OTUD3: variants seen among roughly 807,000 people sequenced by gnomAD.
OTUD3 encodes OTU deubiquitinase 3, also known as OTU domain-containing protein 3.
Under a neutral mutation model 46.2 loss-of-function variants are expected in OTUD3, and 24 were observed. The ratio of observed to expected loss-of-function variants is 0.52; its 90% CI spans 0.38 to 0.73. The LOEUF (loss-of-function observed/expected upper bound fraction) is 0.73. Among genes scored for constraint, OTUD3 ranks in the 30% least tolerant of loss-of-function variants. OTUD3 has a pLI of 0.00. For missense variants in OTUD3, 455 were observed against 523.3 expected, an observed-to-expected ratio of 0.87 and a Z score of 1.27; for synonymous variants, 189 against 195.4, an observed-to-expected ratio of 0.97 and a Z score of 0.27.
intron 2 of OTUD3, among the ~76,000 whole-genome samples, chr1:19,893,352 A>G (rs1571167644): frequency 6.6e-6 from 1 of 152,174 alleles, no homozygotes; most frequent in Non-Finnish European, 1.5e-5. Context: ...TTACGGGGAA[A>G]GGATGCAGAT....
rs145839450 is a variant in OTUD3 at position 19,912,083 on chromosome 1, A to AT, written c.*4340dup. 7,911 of 152,428 alleles carry AT rather than the reference A, an allele frequency of 0.052. 239 individuals carry two copies. Among genetic ancestry groups the AT allele is most frequent in the Middle Eastern group, 0.085 (25 of 294 alleles). 9.4% of individuals were successfully genotyped at this position (152,428 alleles called of 1,614,324 possible). A position where few individuals can be genotyped will look rare whatever the true frequency, so the allele number is the denominator to read the frequency against. On this transcript the variant is annotated 3_prime_UTR_variant, in exon 8 of 8. Coordinates refer to ENST00000375120, the MANE Select transcript of OTUD3 (RefSeq NM_015207.2). ...GGGCTGGTACCAGTGTAAAGAATCT[A>AT]TTTCTGTAAAACTACGAACTTTTGC... is the stretch of plus-strand genomic sequence containing the variant.
rs1170704389 is a variant in OTUD3 at position 19,894,361 on chromosome 1, C to T, written c.371-7C>T. On this transcript the variant is annotated splice_polypyrimidine_tract_variant and splice_region_variant and intron_variant, in intron 2 of 7. Transcript: ENST00000375120. Reference sequence around the variant, plus strand: ...AGACGTCATTTTTCTTTCCTATTTCCATGCAGTGGCCAGTTTGGCAAAGCC... The same window carrying T: ...AGACGTCATTTTTCTTTCCTATTTCTATGCAGTGGCCAGTTTGGCAAAGCC... 1.3e-6 allele frequency: 2 copies of T among 1,548,338 alleles called. No homozygotes were observed. Among genetic ancestry groups the T allele is most frequent in the African/African-American group, 1.4e-5 (1 of 73,234 alleles).
intron 3 of OTUD3, among the ~76,000 whole-genome samples, chr1:19,897,086 G>T (rs2045527273): frequency 6.6e-6 from 1 of 152,158 alleles, no homozygotes. Context: ...CCCTTTCTAG[G>T]TCTTGGGAGA....
rs2045695071 is a variant in OTUD3, at chr1:19,908,593, C to A, written c.*847C>A. 1 of 152,322 alleles carries A rather than the reference C, an allele frequency of 6.6e-6. No homozygotes were observed. Among genetic ancestry groups the A allele is most frequent in the East Asian group, 1.9e-4 (1 of 5,340 alleles). The allele number at this position is 152,322 out of a possible 1,614,324, so 9.4% of individuals were successfully genotyped here. On this transcript the variant is annotated 3_prime_UTR_variant, in exon 8 of 8. Transcript: ENST00000375120. Reference sequence around the variant, plus strand: ...GTCTATAGTTGTAACAGGAGACGAACTCCTGGGGTTTTGCCTAAGAGGAGT... The same window carrying A: ...GTCTATAGTTGTAACAGGAGACGAAATCCTGGGGTTTTGCCTAAGAGGAGT...
At chr1:19,905,566 C>T (rs1478591604) in intron 6 of OTUD3, among the ~76,000 whole-genome samples, 1 of 151,828 alleles carries the variant, frequency 6.6e-6, no homozygotes, top group African/African-American at 2.4e-5. Flanking sequence ...CATGGTGAAA[C>T]CCCGTCTCTA....
chr1:19,896,170 T>C (rs2045514359), intron 3 of OTUD3, among the ~76,000 whole-genome samples: 1 of 152,156 alleles, frequency 6.6e-6, no homozygotes, highest in Non-Finnish European at 1.5e-5. Context: ...ATGGGCTCTT[T>C]CATTAATAAA....
In OTUD3 at chr1:19,894,377, T is replaced by G; in HGVS notation, c.380T>G (p.Leu127Trp). 6.3e-7 allele frequency: 1 copy of G among 1,599,152 alleles called. No individual in the cohort carries two copies. The highest frequency in any genetic ancestry group is 8.5e-7 in the Non-Finnish European group (1 of 1,172,192). ...DIPFEKHVAS[L>W]AKPGTFAGND... ...TCCTATTTCCATGCAGTGGCCAGTTTGGCAAAGCCTGGTACTTTTGCTGGC... is the reference window on the plus strand; with the variant it reads ...TCCTATTTCCATGCAGTGGCCAGTTGGGCAAAGCCTGGTACTTTTGCTGGC... Residue 127 changes from leucine (L) to tryptophan (W), a missense_variant, in exon 3 of 8, where the codon TTG becomes TGG. Leu to Trp is a moderately conservative substitution (Grantham distance 61). Coordinates refer to ENST00000375120, the MANE Select transcript of OTUD3 (RefSeq NM_015207.2).
In OTUD3 at chr1:19,890,370, T is replaced by G. The variant is rs902091349; in HGVS notation, c.222-15T>G. ...CATTTTTGAAAGGTCTTGACTCGTG[T>G]TGTTGTTTTGACAGCAATTGCTTGT... is the stretch of plus-strand genomic sequence containing the variant. On this transcript the variant is annotated splice_polypyrimidine_tract_variant and intron_variant, in intron 1 of 7. Transcript: ENST00000375120. The G allele has an allele frequency of 1.9e-6, 3 of 1,613,148 alleles. No individual in the cohort carries two copies. The highest frequency in any genetic ancestry group is 2.5e-6 in the Non-Finnish European group (3 of 1,179,160).
At chr1:19,888,327 C>T (rs2045399517) in intron 1 of OTUD3, among the ~76,000 whole-genome samples, 1 of 152,122 alleles carries the variant, frequency 6.6e-6, no homozygotes, top group South Asian at 2.1e-4. Context: ...CCTAGAGGCC[C>T]TTTGGGCAGC....
intron 2 of OTUD3, among the ~76,000 whole-genome samples, chr1:19,891,561 A>C (rs1335184833): frequency 6.6e-6 from 1 of 152,190 alleles, no homozygotes; most frequent in Non-Finnish European, 1.5e-5. Flanking sequence ...GGCCCAAACC[A>C]AGCCACACTT....
chr1:19,883,525 AAGAG>A (rs948978515), intron 1 of OTUD3, among the ~76,000 whole-genome samples: 7 of 152,164 alleles, frequency 4.6e-5, no homozygotes, highest in African/African-American at 1.7e-4. Context: ...GTCACTTTGG[AAGAG>A]AGAGTGTTAA....
Position 19,882,596 on chromosome 1 carries a change from C to G in OTUD3, c.83C>G (p.Ala28Gly). The G allele has an allele frequency of 7.0e-7, 1 of 1,421,840 alleles. No homozygotes were observed. Among genetic ancestry groups the G allele is most frequent in the Non-Finnish European group, 9.2e-7 (1 of 1,091,652 alleles). 88.1% of individuals were successfully genotyped at this position (1,421,840 alleles called of 1,614,324 possible). A position where few individuals can be genotyped will look rare whatever the true frequency, so the allele number is the denominator to read the frequency against. Residue 28 changes from alanine to glycine, a missense_variant, in exon 1 of 8, where the codon GCG becomes GGG. Physicochemically the swap from Ala to Gly is moderately conservative, Grantham distance 60. Transcript: ENST00000375120. ...AEAERKRDER[A>G]ARRALAKERR... ...GCCGAGCGCAAGCGGGACGAGCGGG[C>G]GGCGCGCCGGGCCCTGGCCAAGGAG...
At chr1:19,906,071 C>G (rs2045657626) in intron 6 of OTUD3, among the ~76,000 whole-genome samples, 1 of 152,200 alleles carries the variant, frequency 6.6e-6, no homozygotes, top group Non-Finnish European at 1.5e-5. Flanking sequence ...CCACATATAG[C>G]TGGTGGCTAA....
intron 6 of OTUD3, 46 bp from the exon 7 acceptor site, chr1:19,906,386 G>A (rs1486540374): frequency 2.5e-6 from 4 of 1,572,316 alleles, no homozygotes; most frequent in Non-Finnish European, 3.5e-6. Flanking sequence ...ATCACCCTGT[G>A]TAACTCTCAG....
At chr1:19,882,874 C>A in intron 1 of OTUD3, 140 bp downstream of exon 1, 1 of 707,874 alleles carries the variant, frequency 1.4e-6, no homozygotes, top group Non-Finnish European at 2.0e-6. Flanking sequence ...GCTCCGAGTG[C>A]AGGGCGTCCA....
intron 3 of OTUD3, among the ~76,000 whole-genome samples, chr1:19,894,828 A>G (rs559700685): frequency 1.3e-5 from 2 of 152,328 alleles, no homozygotes; most frequent in East Asian, 1.9e-4. Context: ...AAGACTGAGC[A>G]TGTGGTTTCT....
chr1:19,897,970 A>G (rs555004679), intron 4 of OTUD3, among the ~76,000 whole-genome samples: 1 of 141,808 alleles, frequency 7.1e-6, no homozygotes, highest in African/African-American at 2.6e-5. Context: ...TTAATTGGAG[A>G]TGGAGTTTCG....
intron 3 of OTUD3, among the ~76,000 whole-genome samples, chr1:19,895,280 A>G (rs2045504537): frequency 6.6e-6 from 1 of 152,240 alleles, no homozygotes; most frequent in Admixed American, 6.5e-5. Context: ...AAATAGGTTT[A>G]TAGGGATATA....
chr1:19,889,878 G>C (rs560967892), intron 1 of OTUD3, among the ~76,000 whole-genome samples: 1 of 152,144 alleles, frequency 6.6e-6, no homozygotes, highest in African/African-American at 2.4e-5. Flanking sequence ...GTATTGTTCA[G>C]TTGTTAGTAT....
Sources: allele counts gnomAD v4.1 joint callset (sites outside exome capture counted in the v4.1 genomes callset), GRCh38; gene constraint gnomAD v4.1.1; transcripts MANE v1.5; gene names NCBI Gene and HGNC (gene_info 2026-07-23, HGNC 2026-07-21).